PTPRD: variants seen among roughly 807,000 people sequenced by gnomAD.
PTPRD encodes the protein receptor-type tyrosine-protein phosphatase delta.
In PTPRD, 34 loss-of-function variants were observed where a neutral mutation model predicts 214.5. The ratio of observed to expected loss-of-function variants is 0.16; its 90% CI spans 0.12 to 0.21. The LOEUF is 0.21. Ranked by LOEUF, PTPRD falls within the 10% of genes least tolerant of loss-of-function variation. The pLI is 1.00. For synonymous variants in PTPRD, 1,128 were observed against 845.7 expected, an observed-to-expected ratio of 1.33 and a Z score of -5.79; for missense variants, 2,545 against 2,398.7, an observed-to-expected ratio of 1.06 and a Z score of -1.27.
At position 8,660,323 on chromosome 9, in the gene PTPRD, T is replaced by C. The variant is rs570614641; in HGVS notation, c.65-23479A>G. Reference sequence around the variant, plus strand: ...ATATTTAAAGGTTATAGGACTTGCATGTATTATTTGTTTTCCTTTTCCGCT... The same window carrying C: ...ATATTTAAAGGTTATAGGACTTGCACGTATTATTTGTTTTCCTTTTCCGCT... On this transcript the variant is annotated intron_variant, in intron 12 of 45. Coordinates refer to ENST00000381196, the MANE Select transcript of PTPRD (RefSeq NM_002839.4). Among the ~76,000 whole-genome samples the C allele has an allele frequency of 2.0e-3, 301 of 152,260 alleles. 6 individuals are homozygous for C. Among genetic ancestry groups the C allele is most frequent in the African/African-American group, 6.9e-3 (285 of 41,530 alleles).
chr9:8,419,297 CAG>C (rs1227993475), intron 35 of PTPRD, among the ~76,000 whole-genome samples: 1 of 143,030 alleles, frequency 7.0e-6, no homozygotes, highest in Non-Finnish European at 1.5e-5. Context: ...TAAAAGTAAA[CAG>C]AATTTTATTC....
chr9:9,020,370 G>T (rs921647631), intron 10 of PTPRD, among the ~76,000 whole-genome samples: 1 of 152,136 alleles, frequency 6.6e-6, no homozygotes, highest in Non-Finnish European at 1.5e-5. Context: ...CTAGATGGAG[G>T]AGACAGTGAT....
chr9:9,809,431 C>A (rs546131803), intron 5 of PTPRD, among the ~76,000 whole-genome samples: 62 of 152,068 alleles, frequency 4.1e-4, no homozygotes, highest in African/African-American at 1.4e-3. Context: ...CCACGCCTGG[C>A]TAATTTTTTG....
chr9:10,441,785 T>G (rs1291129085), intron 2 of PTPRD, among the ~76,000 whole-genome samples: 1 of 151,624 alleles, frequency 6.6e-6, no homozygotes, highest in African/African-American at 2.4e-5. Context: ...GTCAAATAAA[T>G]CCACGACAAA....
At chr9:10,337,545 A>G (rs2096864989) in intron 3 of PTPRD, among the ~76,000 whole-genome samples, 1 of 151,746 alleles carries the variant, frequency 6.6e-6, no homozygotes, top group African/African-American at 2.4e-5. Context: ...TTAATACAAA[A>G]CAATATTTTG....
chr9:8,713,021 A>T (rs550004381), intron 12 of PTPRD, among the ~76,000 whole-genome samples: 12 of 152,306 alleles, frequency 7.9e-5, no homozygotes, highest in Non-Finnish European at 1.3e-4. Context: ...ACCCAGCCTG[A>T]TTCTTTAATA....
chr9:10,010,714 A>C (rs1359306117), intron 4 of PTPRD, among the ~76,000 whole-genome samples: 2 of 151,982 alleles, frequency 1.3e-5, no homozygotes. Context: ...AATCAATGGA[A>C]TAAAAAATCG....
At chr9:8,697,926 C>G (rs1294223342) in intron 12 of PTPRD, among the ~76,000 whole-genome samples, 1 of 152,112 alleles carries the variant, frequency 6.6e-6, no homozygotes, top group African/African-American at 2.4e-5. Flanking sequence ...CATCCACTGC[C>G]ATAGTGCAGA....
intron 3 of PTPRD, among the ~76,000 whole-genome samples, chr9:10,079,932 CT>C (rs58765296): frequency 0.18 from 25,293 of 138,962 alleles, 4,452 homozygotes; most frequent in African/African-American, 0.47. Flanking sequence ...TTAAATCTTG[CT>C]TTTTTTTTTT....
chr9:9,928,614 T>C (rs2085188764), intron 5 of PTPRD, among the ~76,000 whole-genome samples: 1 of 152,122 alleles, frequency 6.6e-6, no homozygotes, highest in Admixed American at 6.5e-5. Flanking sequence ...AAAAATCCAT[T>C]ACTACTGTTA....
intron 14 of PTPRD, among the ~76,000 whole-genome samples, chr9:8,536,176 T>C (rs1032326534): frequency 6.6e-6 from 1 of 151,960 alleles, no homozygotes; most frequent in African/African-American, 2.4e-5. Context: ...CTTTTTATTG[T>C]GTCATGTTTC....
At chr9:9,629,244 A>G (rs902827007) in intron 7 of PTPRD, among the ~76,000 whole-genome samples, 1 of 149,928 alleles carries the variant, frequency 6.7e-6, no homozygotes, top group Non-Finnish European at 1.5e-5. Flanking sequence ...GTGTGTATAT[A>G]TATATATATA....
intron 44 of PTPRD, among the ~76,000 whole-genome samples, chr9:8,327,835 T>TC (rs1835523440): frequency 6.6e-6 from 1 of 152,160 alleles, no homozygotes; most frequent in South Asian, 2.1e-4. Context: ...TAGGATTGTA[T>TC]CCCCTGCTTT....
At chr9:8,325,870 T>C (rs1833159042) in intron 44 of PTPRD, among the ~76,000 whole-genome samples, 1 of 152,174 alleles carries the variant, frequency 6.6e-6, no homozygotes, top group Non-Finnish European at 1.5e-5. Context: ...ACTCGTGATT[T>C]GGCTATTATT....
At chr9:10,014,199 T>C (rs2096655308) in intron 4 of PTPRD, among the ~76,000 whole-genome samples, 1 of 151,928 alleles carries the variant, frequency 6.6e-6, no homozygotes, top group South Asian at 2.1e-4. Flanking sequence ...GTAATGATAA[T>C]GAAATGTCCC....
At chr9:8,822,614 G>A (rs1347599825) in intron 11 of PTPRD, among the ~76,000 whole-genome samples, 1 of 152,126 alleles carries the variant, frequency 6.6e-6, no homozygotes, top group Non-Finnish European at 1.5e-5. Context: ...ATGCTTACAA[G>A]TACAGTATCA....
At chr9:10,419,398 G>C (rs767666649) in intron 2 of PTPRD, among the ~76,000 whole-genome samples, 1 of 151,670 alleles carries the variant, frequency 6.6e-6, no homozygotes, top group Non-Finnish European at 1.5e-5. Context: ...GCATAGTTCC[G>C]TTCTTTTTAC....
At chr9:9,222,567 T>C (rs906097990) in intron 9 of PTPRD, among the ~76,000 whole-genome samples, 1 of 152,050 alleles carries the variant, frequency 6.6e-6, no homozygotes, top group Non-Finnish European at 1.5e-5. Flanking sequence ...AAAACCCTAC[T>C]TATAACTGGC....
chr9:9,453,156 A>G (rs565485747), intron 8 of PTPRD, among the ~76,000 whole-genome samples: 2 of 151,460 alleles, frequency 1.3e-5, no homozygotes, highest in Middle Eastern at 3.2e-3. Flanking sequence ...CCCCCACACA[A>G]TGCATTGCCT....
Sources: allele counts gnomAD v4.1 joint callset (sites outside exome capture counted in the v4.1 genomes callset), GRCh38; gene constraint gnomAD v4.1.1; transcripts MANE v1.5; gene names NCBI Gene and HGNC (gene_info 2026-07-23, HGNC 2026-07-21).